PLA2G4A: variants seen among roughly 807,000 people sequenced by gnomAD.
PLA2G4A encodes the protein phospholipase A2 group IVA.
In PLA2G4A, 40 loss-of-function variants were observed where a neutral mutation model predicts 81.9. The ratio of observed to expected loss-of-function variants is 0.49; its 90% confidence interval spans 0.38 to 0.64. The LOEUF is 0.64. Among genes scored for constraint, PLA2G4A ranks in the 30% least tolerant of loss-of-function variants. The pLI is 0.00. For missense variants in PLA2G4A, 715 were observed against 905.1 expected, an observed-to-expected ratio of 0.79 and a Z score of 2.69; for synonymous variants, 302 against 296.9, an observed-to-expected ratio of 1.02 and a Z score of -0.18.
chr1:186,863,011 G>A (rs1278303225), intron 2 of PLA2G4A, among the ~76,000 whole-genome samples: 1 of 152,146 alleles, frequency 6.6e-6, no homozygotes, highest in Non-Finnish European at 1.5e-5. Flanking sequence ...AAATTTAGGT[G>A]CTAGATATTT....
At chr1:186,932,732 G>A (rs751333783) in intron 7 of PLA2G4A, 31 bp from the exon 8 acceptor site, 19 of 1,605,606 alleles carry the variant, frequency 1.2e-5, no homozygotes, top group Middle Eastern at 1.7e-4. Flanking sequence ...TTTTTACTTT[G>A]TGTACAAATC....
chr1:186,953,398 A>AT (rs1231230259), intron 13 of PLA2G4A, among the ~76,000 whole-genome samples: 1 of 152,160 alleles, frequency 6.6e-6, no homozygotes, highest in African/African-American at 2.4e-5. Context: ...CCTTTGGCCC[A>AT]TTTTTGGATT....
chr1:186,943,845 T>G (rs569117681), intron 10 of PLA2G4A, among the ~76,000 whole-genome samples: 2 of 152,300 alleles, frequency 1.3e-5, no homozygotes, highest in African/African-American at 4.8e-5. Flanking sequence ...ATATTTTTAT[T>G]TGATTTTGAT....
At chr1:186,977,283 T>G (rs1302651260) in intron 15 of PLA2G4A, among the ~76,000 whole-genome samples, 2 of 152,210 alleles carry the variant, frequency 1.3e-5, no homozygotes, top group Non-Finnish European at 2.9e-5. Flanking sequence ...GGTTATAAAT[T>G]CTCTGAACCC....
intron 14 of PLA2G4A, among the ~76,000 whole-genome samples, chr1:186,957,088 A>G (rs1193702924): frequency 5.7e-5 from 7 of 123,480 alleles, no homozygotes; most frequent in Non-Finnish European, 9.9e-5. Flanking sequence ...GGAGGCAGAC[A>G]TTGCAGTGAG....
intron 15 of PLA2G4A, among the ~76,000 whole-genome samples, chr1:186,976,275 A>T (rs1302407060): frequency 6.6e-6 from 1 of 152,210 alleles, no homozygotes; most frequent in Non-Finnish European, 1.5e-5. Flanking sequence ...AGTTAAAAAG[A>T]ACTTAAGATT....
intron 15 of PLA2G4A, among the ~76,000 whole-genome samples, chr1:186,975,163 A>G (rs1479652109): frequency 6.6e-6 from 1 of 152,246 alleles, no homozygotes. Flanking sequence ...AGTGCTGGAC[A>G]AGAAATAACA....
intron 7 of PLA2G4A, among the ~76,000 whole-genome samples, chr1:186,913,701 C>A (rs567923730): frequency 6.6e-6 from 1 of 151,990 alleles, no homozygotes; most frequent in Admixed American, 6.5e-5. Flanking sequence ...AATTATTTCT[C>A]GTAGGAATTA....
At chr1:186,856,293 GTATA>G (rs57705488) in intron 2 of PLA2G4A, among the ~76,000 whole-genome samples, 3 of 150,778 alleles carry the variant, frequency 2.0e-5, no homozygotes, top group African/African-American at 4.9e-5. Context: ...AATCTTGTGT[GTATA>G]TATATATATA....
chr1:186,864,765 A>G (rs2102048389), intron 2 of PLA2G4A, among the ~76,000 whole-genome samples: 1 of 151,626 alleles, frequency 6.6e-6, no homozygotes, highest in East Asian at 1.9e-4. Context: ...TGCAATAAGA[A>G]TGCACTCTAT....
At chr1:186,904,471 A>G (rs1281214181) in intron 5 of PLA2G4A, among the ~76,000 whole-genome samples, 2 of 152,258 alleles carry the variant, frequency 1.3e-5, no homozygotes, top group African/African-American at 2.4e-5. Context: ...AAAGGTGCAG[A>G]GAGATTATAA....
At chr1:186,949,396 A>G (rs200550906) in intron 12 of PLA2G4A, among the ~76,000 whole-genome samples, 1 of 13,718 alleles carries the variant, frequency 7.3e-5, no homozygotes. Context: ...AGAAAAAAGA[A>G]AAAGAAAGAA....
In PLA2G4A at chr1:186,932,805, G is replaced by A. The variant is rs956719375; in HGVS notation, c.601G>A (p.Ala201Thr). 6.2e-7 allele frequency: 1 copy of A among 1,613,448 alleles called. No homozygotes were observed. The part of the protein sequence containing the change: ...AILGSGGGFR[A>T]MVGFSGVMKA... ...ATTGGGTTCAGGTGGGGGTTTCCGA[G>A]CCATGGTGGGATTCTCTGGTGTGAT... The change falls in exon 8 of 18, where the codon GCC becomes ACC. Residue 201 changes from alanine (A) to threonine (T), a missense_variant. Physicochemically the swap from Ala to Thr is moderately conservative, Grantham distance 58. Coordinates refer to ENST00000367466, the MANE Select transcript of PLA2G4A (RefSeq NM_024420.3).
chr1:186,889,239 A>C (rs571747457), intron 3 of PLA2G4A, among the ~76,000 whole-genome samples: 1 of 152,328 alleles, frequency 6.6e-6, no homozygotes, highest in South Asian at 2.1e-4. Context: ...AATGAGAATG[A>C]CTGGCTTTCC....
chr1:186,936,871 G>A (rs1210107858), intron 8 of PLA2G4A, among the ~76,000 whole-genome samples: 2 of 151,732 alleles, frequency 1.3e-5, no homozygotes, highest in Non-Finnish European at 2.9e-5. Flanking sequence ...ATAAACCTAA[G>A]TCCCTTTCAC....
chr1:186,887,994 T>C (rs1014766710), intron 3 of PLA2G4A, among the ~76,000 whole-genome samples: 23 of 152,226 alleles, frequency 1.5e-4, no homozygotes, highest in Admixed American at 1.5e-3. Context: ...GATTGCAAAA[T>C]CAAAGTGTGC....
At chr1:186,924,607 T>C (rs1655482174) in intron 7 of PLA2G4A, among the ~76,000 whole-genome samples, 1 of 152,008 alleles carries the variant, frequency 6.6e-6, no homozygotes, top group Admixed American at 6.6e-5. Context: ...GGGTTTCACT[T>C]TGTCATCCAG....
chr1:186,890,128 T>C (rs879449509), intron 3 of PLA2G4A, among the ~76,000 whole-genome samples: 8 of 152,316 alleles, frequency 5.3e-5, no homozygotes, highest in Admixed American at 3.9e-4. Context: ...TACTTAGTTA[T>C]TTGTTGTTTT....
chr1:186,977,792 A>G lies in PLA2G4A; in HGVS notation c.1960+4A>G, dbSNP rs577639985. The G allele has an allele frequency of 1.6e-5, 26 of 1,576,178 alleles. No individual in the cohort carries two copies. The East Asian group carries it at 5.6e-4, about 34-fold the overall frequency. Reference sequence around the variant, plus strand: ...TTCAGAAAGTACAGGGCTCCAGGTAAGTAGGGAGTAAGCTGTATTCCATAA... The same window carrying G: ...TTCAGAAAGTACAGGGCTCCAGGTAGGTAGGGAGTAAGCTGTATTCCATAA... On this transcript the variant is annotated splice_donor_region_variant and intron_variant, in intron 16 of 17. Coordinates refer to ENST00000367466, the MANE Select transcript of PLA2G4A (RefSeq NM_024420.3).
Sources: allele counts gnomAD v4.1 joint callset (sites outside exome capture counted in the v4.1 genomes callset), GRCh38; gene constraint gnomAD v4.1.1; transcripts MANE v1.5; gene names NCBI Gene and HGNC (gene_info 2026-07-23, HGNC 2026-07-21).